The following RXFP1 variants were observed in gnomAD, a reference collection of about 807,000 sequenced individuals.
RXFP1 encodes the protein relaxin family peptide receptor 1, also known as relaxin receptor 1.
In RXFP1, 73 loss-of-function variants were observed where a neutral mutation model predicts 89.8. The observed-to-expected ratio is 0.81, with a 90% CI of 0.67 to 0.99. The LOEUF is 0.99. Among genes scored for constraint, RXFP1 ranks in the 50% least tolerant of loss-of-function variants. The pLI is 0.00. For synonymous variants in RXFP1, 277 were observed against 305.5 expected (o/e 0.91, Z 0.97); for missense variants, 793 against 895.5 (o/e 0.89, Z 1.46).
chr4:158,547,649 G>A (rs535029027), intron 1 of RXFP1, among the ~76,000 whole-genome samples: 75 of 152,026 alleles, frequency 4.9e-4, no homozygotes, highest in Admixed American at 9.8e-4. Context: ...GGTATGTTGT[G>A]TCTTTGTTCT....
At chr4:158,550,203 G>T (rs1036421352) in intron 1 of RXFP1, among the ~76,000 whole-genome samples, 21 of 152,228 alleles carry the variant, frequency 1.4e-4, no homozygotes, top group African/African-American at 5.1e-4. Context: ...ATCTCAGACT[G>T]CTGTGCTAGC....
intron 2 of RXFP1, among the ~76,000 whole-genome samples, chr4:158,584,959 G>A (rs759565398): frequency 9.9e-5 from 15 of 152,168 alleles, no homozygotes; most frequent in Non-Finnish European, 2.1e-4. Flanking sequence ...TCACTTGGAA[G>A]GCTCGTTAAA....
intron 1 of RXFP1, among the ~76,000 whole-genome samples, chr4:158,527,201 C>T (rs890116357): frequency 2.0e-5 from 3 of 151,832 alleles, no homozygotes; most frequent in African/African-American, 7.3e-5. Context: ...ATTGAGTATC[C>T]ACTTGAACTA....
rs189970853 is a variant in RXFP1, at chr4:158,652,660, G to T, written c.*605G>T. On this transcript the variant is annotated 3_prime_UTR_variant, in exon 18 of 18. Transcript: ENST00000307765. Reference sequence around the variant, plus strand: ...AACACAACATATTTATTACTAAAAAGATGCTTTGCTAGAAACTCAAAAACA... The same window carrying T: ...AACACAACATATTTATTACTAAAAATATGCTTTGCTAGAAACTCAAAAACA... 26 of 152,258 alleles carry T rather than the reference G, an allele frequency of 1.7e-4. No homozygotes were observed. The East Asian group carries it at 4.6e-3, about 27-fold the overall frequency. The allele number at this position is 152,258 out of a possible 1,614,324, so 9.4% of individuals were successfully genotyped here.
At chr4:158,560,773 C>T (rs577881065) in intron 1 of RXFP1, among the ~76,000 whole-genome samples, 2 of 152,300 alleles carry the variant, frequency 1.3e-5, no homozygotes, top group African/African-American at 2.4e-5. Flanking sequence ...AAGACAACAG[C>T]CCCATCCATC....
intron 1 of RXFP1, among the ~76,000 whole-genome samples, chr4:158,570,520 T>C (rs1386860303): frequency 6.6e-6 from 1 of 152,200 alleles, no homozygotes; most frequent in Non-Finnish European, 1.5e-5. Context: ...CAGAACATTC[T>C]GTCCATTTCC....
intron 1 of RXFP1, among the ~76,000 whole-genome samples, chr4:158,554,463 T>C (rs1483406163): frequency 6.6e-6 from 1 of 152,200 alleles, no homozygotes; most frequent in African/African-American, 2.4e-5. Flanking sequence ...CATATATGTC[T>C]TTTATCTTAT....
intron 11 of RXFP1, among the ~76,000 whole-genome samples, chr4:158,632,844 C>G (rs927421691): frequency 2.0e-5 from 3 of 152,096 alleles, no homozygotes; most frequent in Non-Finnish European, 2.9e-5. Context: ...GGGCACAACA[C>G]AGAAATCAAA....
intron 1 of RXFP1, among the ~76,000 whole-genome samples, chr4:158,564,191 G>A (rs1360718119): frequency 6.6e-6 from 1 of 151,900 alleles, no homozygotes; most frequent in Non-Finnish European, 1.5e-5. Flanking sequence ...ACTGGTGATC[G>A]TTCACATTCC....
intron 2 of RXFP1, among the ~76,000 whole-genome samples, chr4:158,590,389 A>G (rs1193325927): frequency 2.0e-5 from 3 of 152,094 alleles, no homozygotes; most frequent in Admixed American, 2.0e-4. Flanking sequence ...CAAAATCCTG[A>G]CCTCAAGTGA....
chr4:158,571,661 T>C (rs1755093986), intron 1 of RXFP1, among the ~76,000 whole-genome samples: 1 of 151,784 alleles, frequency 6.6e-6, no homozygotes, highest in South Asian at 2.1e-4. Flanking sequence ...AAACTCTGTC[T>C]CAAAAAGAAA....
rs891276278 is a variant in RXFP1 at position 158,528,342 on chromosome 4, C to CA, written c.49+6323dup. ...AACATGGCGCGACCCCCCATCTCTA[C>CA]AAAAAATACAAAATTTAGCCAGTCG... On this transcript the variant is annotated intron_variant, in intron 1 of 17. Coordinates refer to ENST00000307765, the MANE Select transcript of RXFP1 (RefSeq NM_021634.4). Among the ~76,000 whole-genome samples, 48 of 152,128 alleles carry CA rather than the reference C, an allele frequency of 3.2e-4. 1 individual carries two copies. The East Asian group carries it at 5.2e-3, about 17-fold the overall frequency.
chr4:158,618,909 C>T (rs1372576681), intron 9 of RXFP1, among the ~76,000 whole-genome samples: 1 of 151,772 alleles, frequency 6.6e-6, no homozygotes, highest in African/African-American at 2.4e-5. Flanking sequence ...TGGCAATAGC[C>T]AAAGGTGAAC....
intron 1 of RXFP1, among the ~76,000 whole-genome samples, chr4:158,547,488 C>A (rs1748786597): frequency 6.6e-6 from 1 of 151,998 alleles, no homozygotes; most frequent in Non-Finnish European, 1.5e-5. Context: ...TTGCTTCCTG[C>A]TAGCTTTTGA....
chr4:158,580,423 G>A (rs1757116298), intron 2 of RXFP1, among the ~76,000 whole-genome samples: 1 of 152,160 alleles, frequency 6.6e-6, no homozygotes, highest in South Asian at 2.1e-4. Context: ...ATGTTTAAAT[G>A]TACAATATAC....
At chr4:158,524,160 C>A (rs1425303926) in intron 1 of RXFP1, among the ~76,000 whole-genome samples, 1 of 152,130 alleles carries the variant, frequency 6.6e-6, no homozygotes, top group African/African-American at 2.4e-5. Context: ...TATGTGGATA[C>A]AATTAAGCAC....
chr4:158,648,598 A>G lies in RXFP1; in HGVS notation c.1856A>G (p.Gln619Arg). Residue 619 changes from glutamine to arginine, a missense_variant, in exon 17 of 18, where the codon CAA becomes CGA. Gln to Arg is a conservative substitution (Grantham distance 43, BLOSUM62 1). Transcript: ENST00000307765. The part of the protein sequence containing the change: ...SAITATEIRN[Q>R]VKKEMILAKR... ...ATAACAGCAACTGAAATACGGAATC[A>G]AGTTAAAAAAGAGATGATCCTTGCC... 6.2e-7 allele frequency: 1 copy of G among 1,613,136 alleles called. No individual in the cohort carries two copies. The highest frequency in any genetic ancestry group is 8.5e-7 in the Non-Finnish European group (1 of 1,179,266).
chr4:158,529,253 G>T (rs973946864), intron 1 of RXFP1, among the ~76,000 whole-genome samples: 32 of 114,246 alleles, frequency 2.8e-4, no homozygotes, highest in Non-Finnish European at 4.7e-4. Flanking sequence ...TTTTGTTGTT[G>T]TTGTTGTTGT....
intron 2 of RXFP1, among the ~76,000 whole-genome samples, chr4:158,587,746 T>C (rs1426647730): frequency 1.3e-5 from 2 of 152,230 alleles, no homozygotes; most frequent in African/African-American, 2.4e-5. Context: ...TTTTTCTATC[T>C]GCAGTATCCA....
Sources: gnomAD v4.1 joint callset for allele counts (sites outside exome capture counted in the v4.1 genomes callset) on GRCh38, gnomAD v4.1.1 for gene constraint, MANE v1.5 for transcripts, NCBI Gene and HGNC (gene_info 2026-07-23, HGNC 2026-07-21) for gene names.